IDE: variants seen among roughly 807,000 people sequenced by gnomAD.
The protein encoded by IDE is insulin-degrading enzyme.
A neutral mutation model predicts 133.2 loss-of-function variants in IDE; 58 were observed. The ratio of observed to expected loss-of-function variants is 0.44; its 90% CI spans 0.35 to 0.54. The LOEUF is 0.54. IDE is among the 20% of genes least tolerant of loss of function. IDE has a pLI of 0.00. For missense variants in IDE, 981 were observed against 1,234.0 expected (o/e 0.79, Z 3.07); for synonymous variants, 396 against 421.3 (o/e 0.94, Z 0.73).
intron 1 of IDE, among the ~76,000 whole-genome samples, chr10:92,570,769 G>A (rs1843743132): frequency 6.6e-6 from 1 of 151,738 alleles, no homozygotes; most frequent in African/African-American, 2.4e-5. Flanking sequence ...ACAAAAATTA[G>A]TTGTGGGGTG....
intron 11 of IDE, among the ~76,000 whole-genome samples, chr10:92,495,776 A>C (rs1847654312): frequency 6.6e-6 from 1 of 152,260 alleles, no homozygotes; most frequent in African/African-American, 2.4e-5. Context: ...AGTTGAAAAA[A>C]AAATCTATTG....
intron 14 of IDE, among the ~76,000 whole-genome samples, chr10:92,481,740 G>A (rs533423677): frequency 6.6e-6 from 1 of 152,270 alleles, no homozygotes; most frequent in South Asian, 2.1e-4. Flanking sequence ...GTTACCTCTA[G>A]GAAGACAGAC....
At chr10:92,478,810 A>G (rs1428950813) in intron 15 of IDE, 1 of 1,189,884 alleles carries the variant, frequency 8.4e-7, no homozygotes, top group African/African-American at 1.6e-5. Flanking sequence ...GAAAAACAAA[A>G]GAAATGCTTT....
At chr10:92,539,745 AGAGT>A (rs1564663073) in intron 1 of IDE, among the ~76,000 whole-genome samples, 1 of 152,258 alleles carries the variant, frequency 6.6e-6, no homozygotes, top group East Asian at 1.9e-4. Context: ...GCCTGGCGAC[AGAGT>A]GAGATCCTGT....
intron 12 of IDE, among the ~76,000 whole-genome samples, chr10:92,489,202 A>G (rs1847202080): frequency 6.6e-6 from 1 of 152,166 alleles, no homozygotes; most frequent in African/African-American, 2.4e-5. Flanking sequence ...AATACTAGGG[A>G]CTAGGAAACA....
chr10:92,539,044 T>C (rs1483809559), intron 1 of IDE, among the ~76,000 whole-genome samples: 2 of 151,110 alleles, frequency 1.3e-5, no homozygotes, highest in African/African-American at 4.9e-5. Flanking sequence ...TCTCTAGAGA[T>C]TGAGAGAGGA....
chr10:92,552,857 CA>C lies in IDE; in HGVS notation c.99-15308del, dbSNP rs71028827. ...TGGGTGACAGAGTAAGACTCAGTCT[CA>C]AAAAAAAAAAAAAAAAAAAATTATT... On this transcript the variant is annotated intron_variant, in intron 1 of 24. Coordinates refer to ENST00000265986, the MANE Select transcript of IDE (RefSeq NM_004969.4). Among the ~76,000 whole-genome samples, 124 of 49,388 alleles carry C rather than the reference CA, an allele frequency of 2.5e-3. 1 individual carries two copies. Among genetic ancestry groups the C allele is most frequent in the East Asian group, 0.013 (22 of 1,714 alleles). The allele number at this position is 49,388 out of a possible 152,430, so 32.4% of individuals were successfully genotyped here.
chr10:92,498,247 A>C (rs1426186669), intron 11 of IDE, among the ~76,000 whole-genome samples: 1 of 152,222 alleles, frequency 6.6e-6, no homozygotes, highest in African/African-American at 2.4e-5. Context: ...CATTGAAAGA[A>C]AAAAATGATG....
rs903932061 is a variant in IDE, at chr10:92,454,119, A to G, written c.*325T>C. Reference sequence around the variant, plus strand: ...GCTAACTTTTAACTTTCTTCGGACAAGTGACTATTTTACAGAATAGGGAAG... The same window carrying G: ...GCTAACTTTTAACTTTCTTCGGACAGGTGACTATTTTACAGAATAGGGAAG... On this transcript the variant is annotated 3_prime_UTR_variant, in exon 25 of 25. Transcript: ENST00000265986. 5.7e-6 allele frequency: 1 copy of G among 176,922 alleles called. No homozygotes were observed. Among genetic ancestry groups the G allele is most frequent in the African/African-American group, 2.4e-5 (1 of 42,082 alleles). 11.0% of individuals were successfully genotyped at this position (176,922 alleles called of 1,614,324 possible).
chr10:92,468,692 A>C (rs988363552), intron 19 of IDE, among the ~76,000 whole-genome samples, 187 bp downstream of exon 19: 11 of 152,190 alleles, frequency 7.2e-5, no homozygotes, highest in Non-Finnish European at 1.6e-4. Context: ...CTCCAATTTT[A>C]CTTATTTGGC....
chr10:92,461,340 A>G lies in IDE; in HGVS notation c.2762-88T>C, dbSNP rs147914443. 4 of 622,848 alleles carry G rather than the reference A, an allele frequency of 6.4e-6. No homozygotes were observed. In the African/African-American group the frequency reaches 7.4e-5, roughly 12 times the overall value. 38.6% of individuals were successfully genotyped at this position (622,848 alleles called of 1,614,324 possible). The stretch of plus-strand genomic sequence containing the variant: ...ACTAAATGACAATATACTTCACTCC[A>G]AGACTCTTAAGTATCCATATATATT... On this transcript the variant is annotated intron_variant, in intron 21 of 24. Coordinates refer to ENST00000265986, the MANE Select transcript of IDE (RefSeq NM_004969.4).
chr10:92,514,312 T>C (rs1422893669), intron 5 of IDE, among the ~76,000 whole-genome samples: 2 of 152,064 alleles, frequency 1.3e-5, no homozygotes, highest in African/African-American at 4.8e-5. Context: ...TAGTAGTTAA[T>C]CTGCATTTTA....
intron 5 of IDE, among the ~76,000 whole-genome samples, chr10:92,514,334 A>T (rs1028221461): frequency 6.6e-6 from 1 of 151,898 alleles, no homozygotes; most frequent in African/African-American, 2.4e-5. Context: ...AAATCAAACC[A>T]TTGTTTACAT....
chr10:92,501,075 A>T (rs1390855274), intron 11 of IDE, among the ~76,000 whole-genome samples: 4 of 151,142 alleles, frequency 2.6e-5, no homozygotes, highest in African/African-American at 9.7e-5. Flanking sequence ...AAAAGAAAAA[A>T]AAGGCCAGGT....
At chr10:92,493,740 A>T (rs960638274) in intron 11 of IDE, among the ~76,000 whole-genome samples, 6 of 152,228 alleles carry the variant, frequency 3.9e-5, no homozygotes, top group African/African-American at 1.4e-4. Flanking sequence ...GGCACAGATC[A>T]AATACCAGAC....
intron 11 of IDE, among the ~76,000 whole-genome samples, chr10:92,504,330 T>C (rs1436376682): frequency 1.3e-5 from 2 of 152,170 alleles, no homozygotes; most frequent in African/African-American, 4.8e-5. Context: ...GACTTTTGAT[T>C]TCCAGGTTAA....
rs1344514760 is a variant in IDE, at chr10:92,456,403, C to G, written c.2852G>C (p.Arg951Thr). The G allele has an allele frequency of 4.3e-6, 7 of 1,613,734 alleles. No individual in the cohort carries two copies. The highest frequency in any genetic ancestry group is 5.1e-6 in the Non-Finnish European group (6 of 1,179,754). The change falls in exon 23 of 25, where the codon AGA (arginine) becomes ACA (threonine). Residue 951 changes from arginine to threonine, a missense_variant. This residue lies in a region of IDE where 660 missense variants were observed against 894.7 expected (regional missense o/e 0.74). Coordinates refer to ENST00000265986, the MANE Select transcript of IDE (RefSeq NM_004969.4). ...KEMLAVDAPR[R>T]HKVSVHVLAR... is the part of the protein sequence containing the mutation. ...AAGAACATGGACGGATACCTTATGTCTCCTTGGAGCATCTACTGCCAACAT... is the reference window on the plus strand; with the variant it reads ...AAGAACATGGACGGATACCTTATGTGTCCTTGGAGCATCTACTGCCAACAT...
At chr10:92,535,273 C>A (rs7898114) in intron 2 of IDE, among the ~76,000 whole-genome samples, 1 of 151,944 alleles carries the variant, frequency 6.6e-6, no homozygotes, top group African/African-American at 2.4e-5. Context: ...CCAGCTAATT[C>A]TTTGTATTTT....
chr10:92,515,265 T>C (rs1436219047), intron 4 of IDE, among the ~76,000 whole-genome samples: 1 of 151,020 alleles, frequency 6.6e-6, no homozygotes, highest in East Asian at 1.9e-4. Context: ...AAGTGTCTTT[T>C]TTTTTTTTTT....
Sources: allele counts gnomAD v4.1 joint callset (sites outside exome capture counted in the v4.1 genomes callset), GRCh38; gene constraint gnomAD v4.1.1; regional missense constraint gnomAD v4.1.1; transcripts MANE v1.5; gene names NCBI Gene and HGNC (gene_info 2026-07-23, HGNC 2026-07-21).